Variants in ZNF385D observed in about 807,000 individuals in gnomAD.
The protein encoded by ZNF385D is zinc finger protein 659.
ZNF385D carries 15 observed loss-of-function variants against 35.8 expected under a neutral mutation model. The observed-to-expected ratio is 0.42, with a 90% CI of 0.28 to 0.64. The LOEUF is 0.64. Ranked by LOEUF, ZNF385D falls within the 30% of genes least tolerant of loss-of-function variation. ZNF385D has a pLI of 0.23. For synonymous variants in ZNF385D, 212 were observed against 186.8 expected, an observed-to-expected ratio of 1.13 and a Z score of -1.10; for missense variants, 474 against 494.6, an observed-to-expected ratio of 0.96 and a Z score of 0.39.
chr3:21,962,510 A>C (rs568246679), intron 3 of ZNF385D, among the ~76,000 whole-genome samples: 36 of 152,338 alleles, frequency 2.4e-4, no homozygotes, highest in Non-Finnish European at 4.0e-4. Flanking sequence ...TTCACAAAAA[A>C]GGTTTGGTCT....
chr3:21,911,901 A>T (rs1360479796), intron 3 of ZNF385D, among the ~76,000 whole-genome samples: 2 of 151,980 alleles, frequency 1.3e-5, no homozygotes, highest in Admixed American at 1.3e-4. Context: ...GTCATAGAAG[A>T]TAATAATGTA....
rs1559433007 is a variant in ZNF385D, at chr3:21,421,358, T to TGCTGCTGCG, written c.1035_1043dup (p.Ala346_Ala348dup). On this transcript the variant is annotated inframe_insertion, in exon 8 of 8. Coordinates refer to ENST00000281523, the MANE Select transcript of ZNF385D (RefSeq NM_024697.3). Reference sequence around the variant, plus strand: ...GACTGAAGGGGGAACTCACTGCCACTGCTGCTGCGGCTGCTGCAGCTGCTA... The same window carrying TGCTGCTGCG: ...GACTGAAGGGGGAACTCACTGCCACTGCTGCTGCGGCTGCTGCGGCTGCTGCAGCTGCTA... 7.4e-6 allele frequency: 12 copies of TGCTGCTGCG among 1,613,588 alleles called. No homozygotes were observed. Among genetic ancestry groups the TGCTGCTGCG allele is most frequent in the Non-Finnish European group, 8.5e-6 (10 of 1,179,646 alleles).
At chr3:21,913,727 T>G (rs1326422175) in intron 3 of ZNF385D, among the ~76,000 whole-genome samples, 1 of 152,136 alleles carries the variant, frequency 6.6e-6, no homozygotes, top group African/African-American at 2.4e-5. Context: ...AAAGAGAGAT[T>G]AGAACTCTTA....
At chr3:21,966,379 A>T (rs1702914136) in intron 3 of ZNF385D, among the ~76,000 whole-genome samples, 1 of 152,212 alleles carries the variant, frequency 6.6e-6, no homozygotes, top group Non-Finnish European at 1.5e-5. Flanking sequence ...TTCCTACCAT[A>T]CCTGAAAGAG....
intron 3 of ZNF385D, among the ~76,000 whole-genome samples, chr3:22,010,265 G>A (rs1184802125): frequency 6.6e-6 from 1 of 152,192 alleles, no homozygotes; most frequent in Non-Finnish European, 1.5e-5. Context: ...TTTAGTACTT[G>A]TTGCTATAAA....
chr3:22,344,830 C>A (rs555917485), intron 2 of ZNF385D, among the ~76,000 whole-genome samples: 1 of 152,124 alleles, frequency 6.6e-6, no homozygotes, highest in Non-Finnish European at 1.5e-5. Flanking sequence ...TCCCTTTGTT[C>A]CCTTTTGTAG....
intron 3 of ZNF385D, among the ~76,000 whole-genome samples, chr3:22,081,294 T>C (rs1365353729): frequency 6.6e-6 from 1 of 152,164 alleles, no homozygotes; most frequent in Non-Finnish European, 1.5e-5. Flanking sequence ...AGCTATATAG[T>C]ATAGAACTGG....
At chr3:21,998,558 T>C (rs1695631060) in intron 3 of ZNF385D, among the ~76,000 whole-genome samples, 1 of 152,220 alleles carries the variant, frequency 6.6e-6, no homozygotes, top group Non-Finnish European at 1.5e-5. Context: ...TTGTTGCAGA[T>C]ATCTTTAACT....
intron 3 of ZNF385D, among the ~76,000 whole-genome samples, chr3:22,023,459 A>T (rs916230873): frequency 6.6e-6 from 1 of 152,160 alleles, no homozygotes; most frequent in Non-Finnish European, 1.5e-5. Flanking sequence ...TGAGAAACTA[A>T]ATCTGATTTC....
At chr3:21,456,401 C>A (rs1264787086) in intron 4 of ZNF385D, among the ~76,000 whole-genome samples, 1 of 152,152 alleles carries the variant, frequency 6.6e-6, no homozygotes, top group Admixed American at 6.5e-5. Context: ...GAATACTATG[C>A]AGCAATAAAA....
intron 2 of ZNF385D, among the ~76,000 whole-genome samples, chr3:22,221,372 A>T (rs1020953992): frequency 1.3e-5 from 2 of 152,076 alleles, no homozygotes; most frequent in Non-Finnish European, 2.9e-5. Context: ...GGCCAATCAC[A>T]TTGCATATAT....
At chr3:21,569,035 T>C (rs1393596338) in intron 2 of ZNF385D, among the ~76,000 whole-genome samples, 1 of 152,166 alleles carries the variant, frequency 6.6e-6, no homozygotes. Context: ...AAATGTATAT[T>C]CTGTTGATTT....
intron 3 of ZNF385D, among the ~76,000 whole-genome samples, chr3:21,898,290 TG>T (rs1193041273): frequency 6.6e-6 from 1 of 152,168 alleles, no homozygotes; most frequent in Non-Finnish European, 1.5e-5. Flanking sequence ...AAAACCCCCC[TG>T]AGATCAAGCC....
rs193225661 is a variant in ZNF385D at position 21,415,127 on chromosome 3, A to C, written c.*6087T>G. 3.9e-5 allele frequency: 6 copies of C among 152,148 alleles called. No homozygotes were observed. Among genetic ancestry groups the C allele is most frequent in the African/African-American group, 1.4e-4 (6 of 41,444 alleles). 9.4% of individuals were successfully genotyped at this position (152,148 alleles called of 1,614,324 possible). A position where few individuals can be genotyped will look rare whatever the true frequency, so the allele number is the denominator to read the frequency against. ...AACTCTCTGACATCATTGTTTCTCA[A>C]TAGATTTATGTTGAACAATCCTATT... On this transcript the variant is annotated 3_prime_UTR_variant, in exon 8 of 8. Coordinates refer to ENST00000281523, the MANE Select transcript of ZNF385D (RefSeq NM_024697.3).
At chr3:21,426,697 T>A (rs2125203324) in intron 5 of ZNF385D, among the ~76,000 whole-genome samples, 1 of 152,226 alleles carries the variant, frequency 6.6e-6, no homozygotes, top group East Asian at 1.9e-4. Flanking sequence ...TCGGCAACCA[T>A]TAAAGAAATG....
intron 2 of ZNF385D, among the ~76,000 whole-genome samples, chr3:22,328,275 C>T (rs1231573990): frequency 6.6e-6 from 1 of 151,634 alleles, no homozygotes; most frequent in Non-Finnish European, 1.5e-5. Flanking sequence ...TTTTTCTCCC[C>T]TTCTACAGTG....
Position 22,115,545 on chromosome 3 carries a change from G to T in ZNF385D, c.325+53272C>A, listed in dbSNP as rs930233526. Reference sequence around the variant, plus strand: ...AGATTTTCAAGTGATGAGACAAAATGCTGTATGGCAGCTATAATTAATAAT... The same window carrying T: ...AGATTTTCAAGTGATGAGACAAAATTCTGTATGGCAGCTATAATTAATAAT... On this transcript the variant is annotated intron_variant, in intron 3 of 5. Transcript: ENST00000494108. Among the ~76,000 whole-genome samples the T allele has an allele frequency of 5.3e-5, 8 of 152,072 alleles. No individual in the cohort carries two copies. The East Asian group carries it at 7.7e-4, about 15-fold the overall frequency.
At chr3:21,936,050 G>A (rs1251472999) in intron 3 of ZNF385D, among the ~76,000 whole-genome samples, 1 of 152,054 alleles carries the variant, frequency 6.6e-6, no homozygotes, top group Admixed American at 6.6e-5. Flanking sequence ...GGTGCTGAAT[G>A]AATTGGAGTA....
intron 3 of ZNF385D, among the ~76,000 whole-genome samples, chr3:22,058,014 G>GAGTGAATGAATAAATT (rs1576237791): frequency 6.6e-6 from 1 of 152,278 alleles, no homozygotes; most frequent in East Asian, 1.9e-4. Context: ...ATGAATAAAT[G>GAGTGAATGAATAAATT]AATGAATGAA....
Sources: allele counts gnomAD v4.1 joint callset (sites outside exome capture counted in the v4.1 genomes callset), GRCh38; gene constraint gnomAD v4.1.1; transcripts MANE v1.5; gene names NCBI Gene and HGNC (gene_info 2026-07-23, HGNC 2026-07-21).